DRD3: variants seen among roughly 807,000 people sequenced by gnomAD.
DRD3 encodes the protein dopamine receptor D3, also known as D(3) dopamine receptor.
DRD3 carries 19 observed loss-of-function variants against 36.3 expected under a neutral mutation model. That is an observed-to-expected ratio of 0.52 (90% CI 0.36 to 0.77). DRD3 has a LOEUF of 0.77. Among genes scored for constraint, DRD3 ranks in the 30% least tolerant of loss-of-function variants. The pLI is 0.00. For missense variants in DRD3, 465 were observed against 505.3 expected (o/e 0.92, Z 0.77); for synonymous variants, 195 against 203.7 (o/e 0.96, Z 0.36).
rs1044090111 is a variant in DRD3, at chr3:114,159,942, G to A, written c.271-75C>T. ...CAACCCAGTTGGCCCTATTTTCTTT[G>A]CTTTGCTGCCTAGTGTAGATGTTGG... On this transcript the variant is annotated intron_variant, in intron 2 of 6. Coordinates refer to ENST00000383673, the MANE Select transcript of DRD3 (RefSeq NM_000796.6). The A allele has an allele frequency of 2.3e-6, 3 of 1,316,972 alleles. No homozygotes were observed. In the South Asian group the frequency reaches 3.6e-5, roughly 16 times the overall value. The allele number at this position is 1,316,972 out of a possible 1,614,324, so 81.6% of individuals were successfully genotyped here.
At position 114,137,854 on chromosome 3, in the gene DRD3, C is replaced by T. The variant is rs572490305; in HGVS notation, c.723+1646G>A. Among the ~76,000 whole-genome samples the T allele has an allele frequency of 6.8e-4, 103 of 150,538 alleles. 3 individuals are homozygous for T. In the East Asian group the frequency reaches 0.011, roughly 16 times the overall value. ...AAAATACAAAAAAAAAAAAATTAGC[C>T]GGGCGTGATGGTGGGCGCCTGTAGT... On this transcript the variant is annotated intron_variant, in intron 5 of 6. Coordinates refer to ENST00000383673, the MANE Select transcript of DRD3 (RefSeq NM_000796.6).
At chr3:114,144,101 C>G (rs1034198138) in intron 4 of DRD3, among the ~76,000 whole-genome samples, 1 of 152,216 alleles carries the variant, frequency 6.6e-6, no homozygotes, top group Non-Finnish European at 1.5e-5. Context: ...TAAGGCAACC[C>G]TGGCCAGCCA....
chr3:114,136,843 G>A (rs766401368), intron 5 of DRD3, among the ~76,000 whole-genome samples: 10 of 152,226 alleles, frequency 6.6e-5, no homozygotes, highest in Non-Finnish European at 1.5e-4. Context: ...GGCTAATGGT[G>A]ACCATGAAGT....
chr3:114,166,451 TG>T (rs1360650939), intron 2 of DRD3, among the ~76,000 whole-genome samples: 1 of 152,152 alleles, frequency 6.6e-6, no homozygotes, highest in East Asian at 1.9e-4. Context: ...AGTGGATTAA[TG>T]TTGTTTTTGT....
At chr3:114,182,798 C>G (rs2077955336), upstream of DRD3, among the ~76,000 whole-genome samples, 1 of 152,074 alleles carries the variant, frequency 6.6e-6, no homozygotes, top group African/African-American at 2.4e-5. Context: ...ATAATGTTCT[C>G]AAAATTCATT....
At chr3:114,139,777 C>G in intron 4 of DRD3, 81 bp from the exon 5 acceptor site, 1 of 1,357,086 alleles carries the variant, frequency 7.4e-7, no homozygotes, top group Non-Finnish European at 1.0e-6. Flanking sequence ...CTCCATGTCA[C>G]GTGTGGTGCC....
Position 114,172,091 on chromosome 3 carries a change from CA to C in DRD3, c.-35-65del, listed in dbSNP as rs2077851540. 9 of 1,247,716 alleles carry C rather than the reference CA, an allele frequency of 7.2e-6. No homozygotes were observed. In the East Asian group the frequency reaches 2.4e-4, roughly 34 times the overall value. 77.3% of individuals were successfully genotyped at this position (1,247,716 alleles called of 1,614,324 possible). A position where few individuals can be genotyped will look rare whatever the true frequency, so the allele number is the denominator to read the frequency against. On this transcript the variant is annotated intron_variant, in intron 1 of 6. Transcript: ENST00000383673. Reference sequence around the variant, plus strand: ...TCTTTGGGGCTTGGTTGCTTAGTTACATTTTTTTATTTATTGCATCAGCAAA... The same window carrying C: ...TCTTTGGGGCTTGGTTGCTTAGTTACTTTTTTTATTTATTGCATCAGCAAA...
At chr3:114,189,467 T>A (rs547084296) in intron 1 of DRD3, among the ~76,000 whole-genome samples, 3 of 152,350 alleles carry the variant, frequency 2.0e-5, no homozygotes, top group African/African-American at 7.2e-5. Flanking sequence ...AAATAAATTC[T>A]ATGATCATTT....
At position 114,193,219 on chromosome 3, in the gene DRD3, G is replaced by A. The variant is rs556654749; in HGVS notation, c.-156+6054C>T. Among the ~76,000 whole-genome samples, 44 of 152,232 alleles carry A rather than the reference G, an allele frequency of 2.9e-4. No individual in the cohort carries two copies. In the South Asian group the frequency reaches 6.0e-3, roughly 21 times the overall value. On this transcript the variant is annotated intron_variant, in intron 1 of 7. Coordinates refer to the DRD3 transcript ENST00000460779. ...GCCTGAACCTGGGAGGCGGAGCTTG[G>A]AGTGAGCCAAGATCGCGCCACTGCA...
At chr3:114,145,054 A>G (rs2107844376) in intron 4 of DRD3, among the ~76,000 whole-genome samples, 1 of 152,140 alleles carries the variant, frequency 6.6e-6, no homozygotes, top group South Asian at 2.1e-4. Flanking sequence ...AACTGTTTCC[A>G]GTGTGGTGTG....
At chr3:114,172,082 G>A (rs951036330) in intron 1 of DRD3, 55 bp from the exon 2 acceptor site, 8 of 1,283,308 alleles carry the variant, frequency 6.2e-6, no homozygotes, top group Admixed American at 7.8e-5. Flanking sequence ...GGGCTTGGTT[G>A]CTTAGTTACA....
intron 1 of DRD3, among the ~76,000 whole-genome samples, chr3:114,194,083 C>T (rs1405742113): frequency 6.6e-6 from 1 of 152,170 alleles, no homozygotes; most frequent in African/African-American, 2.4e-5. Context: ...CAGTTGCTAT[C>T]CCTGCTTACC....
intron 2 of DRD3, among the ~76,000 whole-genome samples, chr3:114,167,178 C>T (rs2077793968): frequency 6.6e-6 from 1 of 152,166 alleles, no homozygotes; most frequent in South Asian, 2.1e-4. Flanking sequence ...GCTTGACTAC[C>T]TTTCTTAATC....
intron 1 of DRD3, among the ~76,000 whole-genome samples, chr3:114,187,066 C>T (rs538172561): frequency 6.6e-6 from 1 of 152,290 alleles, no homozygotes; most frequent in South Asian, 2.1e-4. Flanking sequence ...TTATTCTAGG[C>T]ATTTAGGGAC....
At chr3:114,142,047 CAAAAAAA>C (rs771946847) in intron 4 of DRD3, among the ~76,000 whole-genome samples, 2 of 64,720 alleles carry the variant, frequency 3.1e-5, no homozygotes, top group Admixed American at 2.1e-4. Flanking sequence ...GACTCTCTCT[CAAAAAAA>C]AAAAAAAAAA....
At chr3:114,130,589 T>C (rs1265550380) in intron 6 of DRD3, among the ~76,000 whole-genome samples, 2 of 152,024 alleles carry the variant, frequency 1.3e-5, no homozygotes, top group Non-Finnish European at 2.9e-5. Flanking sequence ...CACGCCTGGC[T>C]AATTTTTTGC....
chr3:114,172,079 G>A, intron 1 of DRD3, 52 bp from the exon 2 acceptor site: 1 of 1,293,288 alleles, frequency 7.7e-7, no homozygotes, highest in Non-Finnish European at 1.0e-6. Context: ...TTGGGGCTTG[G>A]TTGCTTAGTT....
intron 4 of DRD3, among the ~76,000 whole-genome samples, chr3:114,142,528 C>T (rs2077534948): frequency 6.6e-6 from 1 of 152,136 alleles, no homozygotes; most frequent in Non-Finnish European, 1.5e-5. Context: ...ATAATGAATA[C>T]ACATACACAT....
intron 5 of DRD3, among the ~76,000 whole-genome samples, chr3:114,133,882 A>G (rs2077453084): frequency 6.6e-6 from 1 of 152,198 alleles, no homozygotes; most frequent in Non-Finnish European, 1.5e-5. Context: ...AGGCACATGC[A>G]CCAAGCCCAG....
Sources: allele counts gnomAD v4.1 joint callset (sites outside exome capture counted in the v4.1 genomes callset), GRCh38; gene constraint gnomAD v4.1.1; transcripts MANE v1.5; gene names NCBI Gene and HGNC (gene_info 2026-07-23, HGNC 2026-07-21).